STAG1: variants seen among roughly 807,000 people sequenced by gnomAD.
STAG1 encodes STAG1 cohesin complex component, also known as cohesin subunit SA-1.
STAG1 carries 26 observed loss-of-function variants against 170.9 expected under a neutral mutation model. That is an observed-to-expected ratio of 0.15 (90% confidence interval 0.11 to 0.21). The LOEUF (loss-of-function observed/expected upper bound fraction) is 0.21, where lower values mean the gene tolerates loss of function less well. Ranked by LOEUF, STAG1 falls within the 10% of genes least tolerant of loss-of-function variation. The pLI is 1.00. For synonymous variants in STAG1, 514 were observed against 497.7 expected (o/e 1.03, Z -0.44); for missense variants, 964 against 1,509.5 (o/e 0.64, Z 5.99).
chr3:136,538,186 T>C (rs1160811790), intron 6 of STAG1, among the ~76,000 whole-genome samples: 2 of 152,074 alleles, frequency 1.3e-5, no homozygotes, highest in Admixed American at 1.3e-4. Flanking sequence ...AAAATTACTT[T>C]TACACAAATA....
intron 5 of STAG1, among the ~76,000 whole-genome samples, chr3:136,551,226 A>AGAGT (rs1936377749): frequency 7.8e-6 from 1 of 127,984 alleles, no homozygotes; most frequent in Admixed American, 7.8e-5. Flanking sequence ...AGAGAGAGAG[A>AGAGT]GAGAGAGAGA....
At chr3:136,634,418 A>C (rs1351773712) in intron 1 of STAG1, among the ~76,000 whole-genome samples, 4 of 151,996 alleles carry the variant, frequency 2.6e-5, no homozygotes. Flanking sequence ...TCCCCAATTC[A>C]TTTCCTTACA....
chr3:136,403,087 G>T (rs2087376518), intron 21 of STAG1, among the ~76,000 whole-genome samples: 1 of 151,814 alleles, frequency 6.6e-6, no homozygotes, highest in Non-Finnish European at 1.5e-5. Context: ...AATTAGCTAA[G>T]CATGGTGGCA....
At chr3:136,684,144 C>T (rs1326398892) in intron 1 of STAG1, among the ~76,000 whole-genome samples, 3 of 152,186 alleles carry the variant, frequency 2.0e-5, no homozygotes, top group African/African-American at 4.8e-5. Context: ...AACCAAAATC[C>T]TAGCAAATTG....
intron 1 of STAG1, among the ~76,000 whole-genome samples, chr3:136,698,765 T>C (rs780552903): frequency 3.9e-5 from 6 of 152,180 alleles, no homozygotes; most frequent in Non-Finnish European, 7.3e-5. Context: ...CATGCATCTA[T>C]ATAGCAGCAC....
At chr3:136,538,151 T>C (rs1012664947) in intron 6 of STAG1, among the ~76,000 whole-genome samples, 1 of 152,212 alleles carries the variant, frequency 6.6e-6, no homozygotes, top group Non-Finnish European at 1.5e-5. Flanking sequence ...CAGAATAGTA[T>C]GAAATATTGT....
intron 3 of STAG1, among the ~76,000 whole-genome samples, chr3:136,608,130 G>A (rs551499422): frequency 6.6e-6 from 1 of 152,122 alleles, no homozygotes; most frequent in East Asian, 1.9e-4. Flanking sequence ...GGTGGCACAT[G>A]CCTGTAATCC....
chr3:136,693,941 C>T (rs1310115138), intron 1 of STAG1, among the ~76,000 whole-genome samples: 1 of 152,136 alleles, frequency 6.6e-6, no homozygotes, highest in Non-Finnish European at 1.5e-5. Flanking sequence ...TTTGTACAGT[C>T]TCCCATTCCA....
intron 6 of STAG1, among the ~76,000 whole-genome samples, chr3:136,526,069 T>G (rs1246596389): frequency 1.3e-5 from 2 of 152,214 alleles, no homozygotes; most frequent in East Asian, 3.8e-4. Context: ...GAATGTATAT[T>G]CTGTTAATTT....
intron 16 of STAG1, among the ~76,000 whole-genome samples, chr3:136,430,802 GACAGACACACAC>G (rs1178473507): frequency 3.3e-4 from 29 of 88,950 alleles, no homozygotes; most frequent in African/African-American, 1.2e-3. Flanking sequence ...AACAGACATA[GACAGACACACAC>G]ACACACACAC....
chr3:136,749,897 T>C (rs926052715), intron 1 of STAG1, among the ~76,000 whole-genome samples: 1 of 148,980 alleles, frequency 6.7e-6, no homozygotes, highest in Admixed American at 6.7e-5. Context: ...AAGTGTGAAA[T>C]TTGTTATGCA....
At chr3:136,508,212 C>CAGGAATTTTGTAGATATTCCTTGA (rs1331454765) in intron 7 of STAG1, among the ~76,000 whole-genome samples, 8 of 152,142 alleles carry the variant, frequency 5.3e-5, no homozygotes, top group African/African-American at 1.7e-4. Flanking sequence ...AACACTAATG[C>CAGGAATTTTGTAGATATTCCTTGA]AGGAATTTTG....
At chr3:136,389,881 G>C (rs1217620139) in intron 22 of STAG1, among the ~76,000 whole-genome samples, 4 of 151,234 alleles carry the variant, frequency 2.6e-5, no homozygotes, top group African/African-American at 9.7e-5. Flanking sequence ...ACCCAGGCCG[G>C]AGTGCAGTGG....
intron 21 of STAG1, among the ~76,000 whole-genome samples, chr3:136,411,893 C>A (rs1198272819): frequency 1.3e-5 from 2 of 150,174 alleles, no homozygotes; most frequent in East Asian, 4.1e-4. Flanking sequence ...TGCAGTGAGC[C>A]AAGATCACAA....
chr3:136,344,188 T>C (rs1460352891), intron 29 of STAG1, among the ~76,000 whole-genome samples, 182 bp from the exon 30 acceptor site: 1 of 152,208 alleles, frequency 6.6e-6, no homozygotes, highest in Admixed American at 6.5e-5. Context: ...AGTTTTCTCA[T>C]ACATACAATG....
chr3:136,626,149 C>T (rs944193544), intron 2 of STAG1, among the ~76,000 whole-genome samples: 8 of 150,678 alleles, frequency 5.3e-5, no homozygotes, highest in African/African-American at 9.8e-5. Flanking sequence ...TCCATACAGC[C>T]GGGTGCAGTG....
chr3:136,531,470 T>C (rs1935362640), intron 6 of STAG1, among the ~76,000 whole-genome samples: 1 of 149,644 alleles, frequency 6.7e-6, no homozygotes, highest in Non-Finnish European at 1.5e-5. Context: ...CGTCTGTTTA[T>C]TGCGGCATTA....
Position 136,473,984 on chromosome 3 carries a change from T to C in STAG1, c.1027-347A>G, listed in dbSNP as rs181152993. Among the ~76,000 whole-genome samples, 203 of 152,328 alleles carry C rather than the reference T, an allele frequency of 1.3e-3. 1 individual carries two copies. The highest frequency in any genetic ancestry group is 4.7e-3 in the African/African-American group (197 of 41,580). ...TGTTTATTTGTCCTTTATGTAATTA[T>C]TGAATAATTCTGTGGAAAAACCTGA... On this transcript the variant is annotated intron_variant, in intron 10 of 33. Transcript: ENST00000383202.
chr3:136,519,959 T>C (rs534974245), intron 7 of STAG1, among the ~76,000 whole-genome samples: 6 of 152,128 alleles, frequency 3.9e-5, no homozygotes, highest in Middle Eastern at 3.4e-3. Flanking sequence ...AAGAACACTC[T>C]CAGAAAAAAC....
Sources: allele counts gnomAD v4.1 joint callset (sites outside exome capture counted in the v4.1 genomes callset), GRCh38; gene constraint gnomAD v4.1.1; transcripts MANE v1.5; gene names NCBI Gene and HGNC (gene_info 2026-07-23, HGNC 2026-07-21).